The following SPAG16 variants were observed in gnomAD, a reference collection of about 807,000 sequenced individuals.
SPAG16 encodes sperm-associated antigen 16 protein.
A neutral mutation model predicts 80.4 loss-of-function variants in SPAG16; 86 were observed. That is an observed-to-expected ratio of 1.07 (90% CI 0.90 to 1.28). The LOEUF (loss-of-function observed/expected upper bound fraction) is 1.28. Ranked by LOEUF, SPAG16 falls within the 50% of genes most tolerant of loss-of-function variation. The pLI is 0.00. For synonymous variants in SPAG16, 294 were observed against 265.9 expected (o/e 1.11, Z -1.03); for missense variants, 870 against 765.3 (o/e 1.14, Z -1.61).
intron 10 of SPAG16, among the ~76,000 whole-genome samples, chr2:213,785,785 G>T (rs1281021975): frequency 1.3e-5 from 2 of 152,132 alleles, no homozygotes; most frequent in Admixed American, 6.6e-5. Flanking sequence ...GGGAGGCCGA[G>T]GCGGGAGGAT....
intron 9 of SPAG16, among the ~76,000 whole-genome samples, chr2:213,433,829 T>C (rs1388175741): frequency 1.3e-5 from 2 of 151,608 alleles, no homozygotes; most frequent in Non-Finnish European, 2.9e-5. Flanking sequence ...AGGTACTGCA[T>C]TACCTAACCT....
intron 10 of SPAG16, among the ~76,000 whole-genome samples, chr2:213,651,557 T>G (rs1030184917): frequency 3.9e-4 from 60 of 152,140 alleles, no homozygotes; most frequent in Non-Finnish European, 1.0e-4. Flanking sequence ...TGACATGTAT[T>G]AACAACAAAA....
At chr2:213,649,568 A>G (rs1444938403) in intron 10 of SPAG16, among the ~76,000 whole-genome samples, 12 of 152,070 alleles carry the variant, frequency 7.9e-5, no homozygotes. Flanking sequence ...ATTTTGTTTT[A>G]CTTTATTTTG....
intron 15 of SPAG16, among the ~76,000 whole-genome samples, chr2:214,269,909 T>A (rs1252898937): frequency 6.6e-6 from 1 of 152,168 alleles, no homozygotes; most frequent in Non-Finnish European, 1.5e-5. Flanking sequence ...CTGAAATGTT[T>A]GCTTAAAGGC....
intron 10 of SPAG16, among the ~76,000 whole-genome samples, chr2:213,635,677 AT>A (rs2062334253): frequency 6.6e-6 from 1 of 152,058 alleles, no homozygotes. Flanking sequence ...GATGTTAAGA[AT>A]TTTTTTATAA....
chr2:214,220,870 T>C (rs897023447), intron 15 of SPAG16, among the ~76,000 whole-genome samples: 3 of 152,152 alleles, frequency 2.0e-5, no homozygotes, highest in Non-Finnish European at 4.4e-5. Flanking sequence ...CTTTATCTTT[T>C]GGGGAGCATA....
At chr2:213,536,670 G>A (rs1482885323) in intron 10 of SPAG16, among the ~76,000 whole-genome samples, 1 of 152,066 alleles carries the variant, frequency 6.6e-6, no homozygotes. Context: ...ACTTTTTGAT[G>A]GGGTTGTTTG....
intron 9 of SPAG16, among the ~76,000 whole-genome samples, chr2:213,391,614 CTG>C (rs940888107): frequency 1.2e-4 from 19 of 152,250 alleles, no homozygotes; most frequent in African/African-American, 4.3e-4. Flanking sequence ...ATATCTAACA[CTG>C]TGCTTATAAC....
chr2:213,575,361 C>T (rs577792600), intron 10 of SPAG16, among the ~76,000 whole-genome samples: 8 of 152,118 alleles, frequency 5.3e-5, no homozygotes, highest in Admixed American at 2.6e-4. Context: ...TATGTTGATA[C>T]TTTGAAAGTA....
chr2:214,330,846 T>A (rs1696866492), intron 15 of SPAG16, among the ~76,000 whole-genome samples: 1 of 152,144 alleles, frequency 6.6e-6, no homozygotes, highest in Non-Finnish European at 1.5e-5. Context: ...TATCACAGCA[T>A]CCATTAGGGC....
At chr2:213,467,509 T>C (rs546731945) in intron 9 of SPAG16, among the ~76,000 whole-genome samples, 2 of 152,090 alleles carry the variant, frequency 1.3e-5, no homozygotes, top group Non-Finnish European at 2.9e-5. Flanking sequence ...GGGAAAAATA[T>C]CAGGTTAAAG....
chr2:213,831,044 T>A (rs889868714), intron 10 of SPAG16, among the ~76,000 whole-genome samples: 3 of 143,506 alleles, frequency 2.1e-5, no homozygotes, highest in South Asian at 2.3e-4. Flanking sequence ...CTTTTTTTTT[T>A]TTTTTTTTTT....
intron 15 of SPAG16, among the ~76,000 whole-genome samples, chr2:214,271,210 A>G (rs1441169926): frequency 6.6e-6 from 1 of 152,218 alleles, no homozygotes; most frequent in African/African-American, 2.4e-5. Flanking sequence ...AATTAAGACT[A>G]TAGGACATAG....
At chr2:213,602,017 A>G (rs890631395) in intron 10 of SPAG16, among the ~76,000 whole-genome samples, 9 of 152,222 alleles carry the variant, frequency 5.9e-5, no homozygotes, top group Admixed American at 5.9e-4. Context: ...GTTCACAAAA[A>G]GGTTTGCACA....
At chr2:213,680,758 G>A (rs1183896233) in intron 10 of SPAG16, among the ~76,000 whole-genome samples, 1 of 152,172 alleles carries the variant, frequency 6.6e-6, no homozygotes, top group East Asian at 1.9e-4. Flanking sequence ...CTGAGAACAT[G>A]TGCTCAAGGT....
At chr2:214,279,072 C>T (rs1576663337) in intron 15 of SPAG16, among the ~76,000 whole-genome samples, 1 of 149,752 alleles carries the variant, frequency 6.7e-6, no homozygotes, top group Non-Finnish European at 1.5e-5. Context: ...TAACAAGCAA[C>T]AACAAAAACA....
chr2:214,072,543 T>C (rs2050838012), intron 13 of SPAG16, among the ~76,000 whole-genome samples: 1 of 152,162 alleles, frequency 6.6e-6, no homozygotes, highest in Non-Finnish European at 1.5e-5. Flanking sequence ...AGGGAAATAC[T>C]AGACTAGGGA....
chr2:213,354,704 C>T (rs2065530457), intron 7 of SPAG16, among the ~76,000 whole-genome samples: 1 of 151,006 alleles, frequency 6.6e-6, no homozygotes, highest in Admixed American at 6.6e-5. Flanking sequence ...AGTATCTGTT[C>T]ATATACTTTG....
chr2:213,478,747 G>T (rs941456546), intron 9 of SPAG16, among the ~76,000 whole-genome samples: 1 of 152,084 alleles, frequency 6.6e-6, no homozygotes, highest in African/African-American at 2.4e-5. Context: ...GGAAGATTCT[G>T]CCATATTCCT....
Sources: gnomAD v4.1 joint callset for allele counts (sites outside exome capture counted in the v4.1 genomes callset) on GRCh38, gnomAD v4.1.1 for gene constraint, MANE v1.5 for transcripts, NCBI Gene and HGNC (gene_info 2026-07-23, HGNC 2026-07-21) for gene names.